Variants in DAB1 observed in about 807,000 individuals in gnomAD.
DAB1 encodes the protein disabled homolog 1.
DAB1 carries 15 observed loss-of-function variants against 64.6 expected under a neutral mutation model. The ratio of observed to expected loss-of-function variants is 0.23; its 90% CI spans 0.16 to 0.36. The LOEUF is 0.36. DAB1 is among the 10% of genes least tolerant of loss of function. DAB1 has a pLI of 1.00. For missense variants in DAB1, 596 were observed against 706.7 expected (o/e 0.84, Z 1.78); for synonymous variants, 235 against 251.9 (o/e 0.93, Z 0.64).
At chr1:57,844,521 C>T (rs556158233) in intron 1 of DAB1, among the ~76,000 whole-genome samples, 1 of 152,144 alleles carries the variant, frequency 6.6e-6, no homozygotes, top group Non-Finnish European at 1.5e-5. Flanking sequence ...TCCAGAGAAG[C>T]AGGAAGACGT....
chr1:57,969,322 T>C (rs1418499729), intron 5 of DAB1, among the ~76,000 whole-genome samples: 3 of 152,108 alleles, frequency 2.0e-5, no homozygotes, highest in African/African-American at 7.2e-5. Context: ...AATATATGTA[T>C]GTTTTTAAAA....
intron 5 of DAB1, among the ~76,000 whole-genome samples, chr1:58,133,940 C>A (rs1005641709): frequency 6.6e-6 from 1 of 152,158 alleles, no homozygotes; most frequent in African/African-American, 2.4e-5. Flanking sequence ...TTTCCCACCC[C>A]CAAGGCACAC....
chr1:57,780,109 A>G (rs191418776), intron 6 of DAB1, among the ~76,000 whole-genome samples: 15 of 152,270 alleles, frequency 9.9e-5, no homozygotes, highest in Non-Finnish European at 2.1e-4. Context: ...TGAGTACCCT[A>G]TTATAAAGAC....
chr1:57,359,038 C>T (rs1194942873), intron 1 of DAB1, among the ~76,000 whole-genome samples: 4 of 152,094 alleles, frequency 2.6e-5, no homozygotes, highest in South Asian at 2.1e-4. Flanking sequence ...ACACTGGATT[C>T]GGCAAGGACT....
intron 7 of DAB1, among the ~76,000 whole-genome samples, chr1:57,629,691 G>A (rs2101626473): frequency 6.6e-6 from 1 of 150,932 alleles, no homozygotes; most frequent in Admixed American, 6.6e-5. Flanking sequence ...TCACAATGCT[G>A]CCTAGGTAGT....
intron 4 of DAB1, among the ~76,000 whole-genome samples, chr1:57,100,249 G>T (rs1233719615): frequency 6.6e-6 from 1 of 152,146 alleles, no homozygotes; most frequent in Non-Finnish European, 1.5e-5. Context: ...TTAATACATA[G>T]AAGTGCTTTG....
At chr1:58,113,062 C>T (rs1570366799) in intron 5 of DAB1, among the ~76,000 whole-genome samples, 3 of 152,254 alleles carry the variant, frequency 2.0e-5, no homozygotes, top group Admixed American at 2.0e-4. Flanking sequence ...GACCCTGCAG[C>T]CCAGTGGGAG....
chr1:58,264,236 A>G (rs1453253816), intron 4 of DAB1, among the ~76,000 whole-genome samples: 1 of 152,240 alleles, frequency 6.6e-6, no homozygotes, highest in Non-Finnish European at 1.5e-5. Context: ...AGTCTGCAAC[A>G]TAGCAAACAT....
At chr1:58,195,873 G>A (rs1412315738) in intron 4 of DAB1, among the ~76,000 whole-genome samples, 1 of 152,142 alleles carries the variant, frequency 6.6e-6, no homozygotes, top group Non-Finnish European at 1.5e-5. Flanking sequence ...CTATTGACAT[G>A]AACACACTAA....
intron 1 of DAB1, chr1:57,876,940 G>T (rs1457052369): frequency 4.6e-5 from 7 of 152,122 alleles, no homozygotes; most frequent in Admixed American, 4.6e-4. Context: ...AATGAAGCAT[G>T]GAGAGGATTA....
intron 5 of DAB1, among the ~76,000 whole-genome samples, chr1:58,144,527 T>A (rs931236101): frequency 3.3e-5 from 5 of 152,226 alleles, no homozygotes; most frequent in Non-Finnish European, 7.3e-5. Flanking sequence ...GCACCTTACA[T>A]GGATTATGTA....
intron 2 of DAB1, among the ~76,000 whole-genome samples, chr1:57,206,253 G>A (rs1474661690): frequency 3.9e-5 from 6 of 152,284 alleles, no homozygotes; most frequent in Non-Finnish European, 4.4e-5. Context: ...GAGGGATAGG[G>A]AAGAATGCTT....
At chr1:58,147,317 A>G (rs1239899468) in intron 5 of DAB1, among the ~76,000 whole-genome samples, 3 of 149,346 alleles carry the variant, frequency 2.0e-5, no homozygotes, top group Non-Finnish European at 4.5e-5. Flanking sequence ...AAAAAAAAAA[A>G]AAAAAAAAAA....
chr1:57,850,998 A>G (rs1452361104), intron 1 of DAB1, among the ~76,000 whole-genome samples: 1 of 152,176 alleles, frequency 6.6e-6, no homozygotes, highest in African/African-American at 2.4e-5. Flanking sequence ...GGCTCTCTCA[A>G]GACCCAATCA....
chr1:57,839,878 G>A (rs1652973277), intron 1 of DAB1, among the ~76,000 whole-genome samples: 1 of 152,170 alleles, frequency 6.6e-6, no homozygotes, highest in Admixed American at 6.5e-5. Context: ...TTCTGTGTAA[G>A]GTTAAGGGGA....
chr1:57,123,984 T>C (rs1271021463), intron 4 of DAB1, among the ~76,000 whole-genome samples: 11 of 152,106 alleles, frequency 7.2e-5, no homozygotes, highest in Non-Finnish European at 1.5e-5. Context: ...TATAATACTT[T>C]TATAAACTGA....
intron 3 of DAB1, among the ~76,000 whole-genome samples, chr1:58,403,745 C>T (rs920584347): frequency 3.3e-5 from 5 of 152,160 alleles, no homozygotes; most frequent in African/African-American, 4.8e-5. Context: ...GACAGCTTCC[C>T]GAGTGCTCAG....
chr1:58,128,509 G>A (rs1424178461), intron 5 of DAB1, among the ~76,000 whole-genome samples: 1 of 133,112 alleles, frequency 7.5e-6, no homozygotes, highest in Non-Finnish European at 1.6e-5. Flanking sequence ...TAGGAGTGGT[G>A]AGAGAGGGCA....
intron 4 of DAB1, among the ~76,000 whole-genome samples, chr1:57,107,266 T>C (rs1655250836): frequency 1.3e-5 from 2 of 151,646 alleles, no homozygotes; most frequent in Non-Finnish European, 1.5e-5. Context: ...TCCCAGCTAC[T>C]TGGGAGGCTG....
Sources: allele counts gnomAD v4.1 joint callset (sites outside exome capture counted in the v4.1 genomes callset), GRCh38; gene constraint gnomAD v4.1.1; transcripts MANE v1.5; gene names NCBI Gene and HGNC (gene_info 2026-07-23, HGNC 2026-07-21).